The following DMXL1 variants were observed in gnomAD, a reference collection of about 807,000 sequenced individuals.
DMXL1 encodes dmX-like protein 1.
Under a neutral mutation model 319.2 loss-of-function variants are expected in DMXL1, and 99 were observed. The observed-to-expected ratio is 0.31, with a 90% CI of 0.26 to 0.37. DMXL1 has a LOEUF of 0.37. Among genes scored for constraint, DMXL1 ranks in the 10% least tolerant of loss-of-function variants. The probability of loss-of-function intolerance (pLI) is 1.00; values close to 1 mark genes in which losing one functional copy is unlikely to be tolerated. For synonymous variants in DMXL1, 1,385 were observed against 1,235.2 expected (o/e 1.12, Z -2.54); for missense variants, 3,745 against 3,595.6 (o/e 1.04, Z -1.06).
chr5:119,085,983 CGT>C (rs1753269284), intron 1 of DMXL1, among the ~76,000 whole-genome samples: 1 of 152,010 alleles, frequency 6.6e-6, no homozygotes, highest in African/African-American at 2.4e-5. Context: ...TGATATATCA[CGT>C]TTATTGATTT....
In DMXL1 at chr5:119,121,862, G is replaced by C. The variant is rs1244439137; in HGVS notation, c.1102+723G>C. Among the ~76,000 whole-genome samples, 376 of 151,218 alleles carry C rather than the reference G, an allele frequency of 2.5e-3. 1 individual carries two copies. Among genetic ancestry groups the C allele is most frequent in the African/African-American group, 8.8e-3 (363 of 41,210 alleles). On this transcript the variant is annotated intron_variant, in intron 9 of 43. Coordinates refer to ENST00000539542, the MANE Select transcript of DMXL1 (RefSeq NM_001290321.3). ...CTCACTTCCCAGTAGGGGTGGCCGGGCAGAGGCGCCCCTCACCTCCTGGAC... is the reference window on the plus strand; with the variant it reads ...CTCACTTCCCAGTAGGGGTGGCCGGCCAGAGGCGCCCCTCACCTCCTGGAC...
At chr5:119,159,748 C>T (rs534951291) in intron 19 of DMXL1, among the ~76,000 whole-genome samples, 1 of 152,302 alleles carries the variant, frequency 6.6e-6, no homozygotes, top group African/African-American at 2.4e-5. Context: ...CTCAATCTCT[C>T]AAGTAGCTGG....
rs1765484707 is a variant in DMXL1 at position 119,134,060 on chromosome 5, A to C, written c.2136A>C (p.Pro712=). 1.2e-6 allele frequency: 2 copies of C among 1,614,184 alleles called. No homozygotes were observed. The highest frequency in any genetic ancestry group is 2.2e-5 in the South Asian group (2 of 91,076). Residue 712 remains proline (P), a synonymous_variant, in exon 12 of 44, where the codon CCA becomes CCC. Transcript: ENST00000539542. ...AGCTTATTCTGTGGAGGGTTGACCC[A>C]GTTGGGCCATTGTCTTTTTCTGGAG... The part of the protein sequence containing the change: ...YSELILWRVD[P]VGPLSFSGGV...
At chr5:119,141,560 T>C (rs1408535046) in intron 13 of DMXL1, among the ~76,000 whole-genome samples, 1 of 152,100 alleles carries the variant, frequency 6.6e-6, no homozygotes, top group Non-Finnish European at 1.5e-5. Flanking sequence ...GTGGAAGATC[T>C]CTACAATGAG....
intron 1 of DMXL1, among the ~76,000 whole-genome samples, chr5:119,089,300 T>TATGCA (rs1561549916): frequency 4.9e-5 from 3 of 61,486 alleles, no homozygotes; most frequent in South Asian, 7.9e-4. Flanking sequence ...ATATTTTTTT[T>TATGCA]TTTTTTTTTT....
intron 8 of DMXL1, 107 bp from the exon 9 acceptor site, chr5:119,120,864 T>TA: frequency 1.1e-6 from 1 of 898,390 alleles, no homozygotes; most frequent in Non-Finnish European, 1.6e-6. Flanking sequence ...ATAAAACATG[T>TA]AAAATGTTCT....
Position 119,097,959 on chromosome 5 carries a change from T to G in DMXL1, c.88-20T>G. On this transcript the variant is annotated intron_variant, in intron 1 of 43. Coordinates refer to ENST00000539542, the MANE Select transcript of DMXL1 (RefSeq NM_001290321.3). ...TGTTTCCTTGACACTTTTATCATTT[T>G]TATTTATTTATTTTTTTAGGCTTAT... 2.5e-6 allele frequency: 4 copies of G among 1,575,322 alleles called. No individual in the cohort carries two copies. The highest frequency in any genetic ancestry group is 2.4e-5 in the East Asian group (1 of 42,032).
rs750925067 is a variant in DMXL1, at chr5:119,220,483, C to A, written c.8025C>A (p.Asn2675Lys). 42 of 1,613,552 alleles carry A rather than the reference C, an allele frequency of 2.6e-5. No homozygotes were observed. Among genetic ancestry groups the A allele is most frequent in the Non-Finnish European group, 3.5e-5 (41 of 1,179,832 alleles). Residue 2675 changes from asparagine to lysine, a missense_variant, in exon 36 of 44, where the codon AAC becomes AAA. This residue lies in a region of DMXL1 where 1,382 missense variants were observed against 1,269.5 expected (regional missense o/e 1.09). Coordinates refer to ENST00000539542, the MANE Select transcript of DMXL1 (RefSeq NM_001290321.3). ...TAFAVNKANR[N>K]CIAIASSHDV... is the part of the protein sequence containing the mutation. ...GACTTATTTTTCAGGCAAATAGAAA[C>A]TGCATAGCAATCGCTTCCAGTCATG...
chr5:119,222,625 C>G (rs575122470), intron 37 of DMXL1, among the ~76,000 whole-genome samples: 1 of 152,260 alleles, frequency 6.6e-6, no homozygotes, highest in East Asian at 1.9e-4. Context: ...ATTCTTTACA[C>G]AGCAGCAGCC....
At chr5:119,190,023 T>G in intron 29 of DMXL1, 137 bp downstream of exon 29, 1 of 704,900 alleles carries the variant, frequency 1.4e-6, no homozygotes, top group Non-Finnish European at 2.3e-6. Context: ...CAGGCTACAT[T>G]CCAAAAATAT....
intron 4 of DMXL1, among the ~76,000 whole-genome samples, chr5:119,109,039 G>C (rs1758980629): frequency 6.7e-6 from 1 of 149,338 alleles, no homozygotes; most frequent in Admixed American, 6.6e-5. Flanking sequence ...GACCTCAGGT[G>C]ATCCACCCGC....
At chr5:119,129,661 T>C (rs922173958) in intron 10 of DMXL1, among the ~76,000 whole-genome samples, 2 of 152,192 alleles carry the variant, frequency 1.3e-5, no homozygotes, top group Non-Finnish European at 2.9e-5. Flanking sequence ...CTTAGGACTT[T>C]CCTATATAAA....
intron 9 of DMXL1, chr5:119,127,070 T>C: frequency 6.0e-6 from 1 of 165,926 alleles, no homozygotes. Flanking sequence ...AGAGGGCTCT[T>C]AGTAAGCTGC....
chr5:119,141,894 A>G (rs1767441655), intron 13 of DMXL1, among the ~76,000 whole-genome samples: 1 of 152,210 alleles, frequency 6.6e-6, no homozygotes, highest in African/African-American at 2.4e-5. Flanking sequence ...CCAAAACAGC[A>G]TAGTAGTGGT....
intron 37 of DMXL1, among the ~76,000 whole-genome samples, chr5:119,223,583 G>A (rs1030796612): frequency 1.3e-5 from 2 of 151,982 alleles, no homozygotes; most frequent in Admixed American, 6.6e-5. Flanking sequence ...TTTTTATTTC[G>A]GATAACTGTG....
chr5:119,185,597 G>C (rs551971960), intron 28 of DMXL1, among the ~76,000 whole-genome samples: 3 of 152,198 alleles, frequency 2.0e-5, no homozygotes, highest in African/African-American at 7.2e-5. Flanking sequence ...CTGCCTCCCA[G>C]GTTCAGGTGA....
chr5:119,137,553 C>T (rs1349554883), intron 13 of DMXL1, among the ~76,000 whole-genome samples: 1 of 152,130 alleles, frequency 6.6e-6, no homozygotes, highest in Admixed American at 6.5e-5. Context: ...TTATAATTGC[C>T]ACATATCAAG....
intron 25 of DMXL1, 55 bp downstream of exon 25, chr5:119,172,024 A>T: frequency 6.9e-7 from 1 of 1,456,406 alleles, no homozygotes; most frequent in Non-Finnish European, 9.2e-7. Context: ...TAAAACTACA[A>T]GATAAATATT....
intron 8 of DMXL1, among the ~76,000 whole-genome samples, 156 bp from the exon 9 acceptor site, chr5:119,120,815 G>T (rs1464352364): frequency 6.6e-6 from 1 of 152,170 alleles, no homozygotes; most frequent in Admixed American, 6.5e-5. Flanking sequence ...ATATTGAAAG[G>T]TGTTTTTACA....
Sources: gnomAD v4.1 joint callset for allele counts (sites outside exome capture counted in the v4.1 genomes callset) on GRCh38, gnomAD v4.1.1 for gene constraint, gnomAD v4.1.1 regional missense constraint, MANE v1.5 for transcripts, NCBI Gene and HGNC (gene_info 2026-07-23, HGNC 2026-07-21) for gene names.